RNASEH2B: variants seen among roughly 807,000 people sequenced by gnomAD.
The protein encoded by RNASEH2B is Aicardi-Goutieres syndrome 2 protein.
RNASEH2B carries 36 observed loss-of-function variants against 45.0 expected under a neutral mutation model. The ratio of observed to expected loss-of-function variants is 0.80; its 90% CI spans 0.61 to 1.06. The LOEUF (loss-of-function observed/expected upper bound fraction) is 1.06, where lower values mean the gene tolerates loss of function less well. Ranked by LOEUF, RNASEH2B falls within the 50% of genes least tolerant of loss-of-function variation. The probability of loss-of-function intolerance (pLI) is 0.00; values close to 1 mark genes in which losing one functional copy is unlikely to be tolerated. For synonymous variants in RNASEH2B, 119 were observed against 125.7 expected (o/e 0.95, Z 0.35); for missense variants, 361 against 360.3 (o/e 1.00, Z -0.02).
At position 50,921,875 on chromosome 13, in the gene RNASEH2B, T is replaced by G. The variant is rs150401069; in HGVS notation, c.65-5532T>G. Among the ~76,000 whole-genome samples the G allele has an allele frequency of 1.6e-3, 238 of 152,350 alleles. 1 individual carries two copies. The highest frequency in any genetic ancestry group is 5.3e-3 in the African/African-American group (219 of 41,580). On this transcript the variant is annotated intron_variant, in intron 1 of 10. Coordinates refer to ENST00000336617, the MANE Select transcript of RNASEH2B (RefSeq NM_024570.4). ...GTTTGTGGGATTGTAACTGAACTAC[T>G]CCCATTTCCTCTCCTCAGCTCTGCA... is the stretch of plus-strand genomic sequence containing the variant.
At chr13:50,956,161 C>G (rs1325500675) in intron 10 of RNASEH2B, 197 bp from the exon 11 acceptor site, 1 of 528,160 alleles carries the variant, frequency 1.9e-6, no homozygotes, top group African/African-American at 1.9e-5. Context: ...TGTCTTCTGC[C>G]TCTTTTAACA....
chr13:50,941,280 A>G (rs1362615105), intron 5 of RNASEH2B: 2 of 152,180 alleles, frequency 1.3e-5, no homozygotes, highest in Non-Finnish European at 2.9e-5. Flanking sequence ...CTCTTTACAC[A>G]TGGGGGAACA....
chr13:50,945,584 T>G (rs771717233), intron 7 of RNASEH2B, 52 bp downstream of exon 7: 1 of 1,155,408 alleles, frequency 8.7e-7, no homozygotes, highest in South Asian at 1.2e-5. Flanking sequence ...AAGTTGCTTA[T>G]GTGTAAATGC....
chr13:50,935,109 G>T (rs1014506026), intron 5 of RNASEH2B, 110 bp downstream of exon 5: 72 of 737,624 alleles, frequency 9.8e-5, no homozygotes, highest in Non-Finnish European at 6.6e-5. Context: ...TCCACCATAG[G>T]GAAAACTATC....
Position 50,909,914 on chromosome 13 carries a change from GGAAAC to G in RNASEH2B, c.-153_-149del. ...GTAACACGAGCAGCAGGCTGGTCTC[GGAAAC>G]GAAACGAAATTCGGTCCCTGGGCCT... On this transcript the variant is annotated 5_prime_UTR_variant, in exon 1 of 11. Transcript: ENST00000336617. 1 of 522,148 alleles carries G rather than the reference GGAAAC, an allele frequency of 1.9e-6. No individual in the cohort carries two copies. 32.3% of individuals were successfully genotyped at this position (522,148 alleles called of 1,614,324 possible). A position where few individuals can be genotyped will look rare whatever the true frequency, so the allele number is the denominator to read the frequency against.
chr13:50,929,456 G>T lies in RNASEH2B; in HGVS notation c.137-19G>T. 2 of 1,522,492 alleles carry T rather than the reference G, an allele frequency of 1.3e-6. No individual in the cohort carries two copies. Among genetic ancestry groups the T allele is most frequent in the Non-Finnish European group, 1.8e-6 (2 of 1,097,014 alleles). 94.3% of individuals were successfully genotyped at this position (1,522,492 alleles called of 1,614,324 possible). On this transcript the variant is annotated intron_variant, in intron 2 of 10. Transcript: ENST00000336617. The stretch of plus-strand genomic sequence containing the variant: ...TGTGTGTGAAAACTTACAAATAAAA[G>T]ACAGATTTGTCTTAACAGGAGAAGG...
intron 4 of RNASEH2B, 37 bp downstream of exon 4, chr13:50,930,796 C>T: frequency 6.8e-7 from 1 of 1,469,494 alleles, no homozygotes; most frequent in Non-Finnish European, 9.5e-7. Flanking sequence ...AGTGAGGAAA[C>T]AGAATCAACT....
chr13:50,913,643 G>A (rs1337234543), intron 1 of RNASEH2B, among the ~76,000 whole-genome samples: 3 of 152,162 alleles, frequency 2.0e-5, no homozygotes, highest in African/African-American at 7.2e-5. Flanking sequence ...TTAGAGACAA[G>A]TTTTGCAATA....
chr13:50,927,574 C>A, intron 2 of RNASEH2B, 96 bp downstream of exon 2: 1 of 830,728 alleles, frequency 1.2e-6, no homozygotes, highest in Non-Finnish European at 2.1e-6. Flanking sequence ...TTCTGAATAG[C>A]TTTTAAAGTT....
chr13:50,960,076 C>A, downstream of RNASEH2B: 1 of 588,694 alleles, frequency 1.7e-6, no homozygotes, highest in South Asian at 8.6e-5. Flanking sequence ...TCAATAGGTT[C>A]TAGACATATC....
chr13:50,970,204 A>G (rs1269919473), exon 10 of RNASEH2B: 1 of 594,140 alleles, frequency 1.7e-6, no homozygotes, highest in Admixed American at 3.1e-5. Flanking sequence ...AAAGCATCCC[A>G]GCGGTGCACC....
At chr13:50,932,079 T>C (rs1555255463) in intron 4 of RNASEH2B, among the ~76,000 whole-genome samples, 1 of 152,176 alleles carries the variant, frequency 6.6e-6, no homozygotes, top group Non-Finnish European at 1.5e-5. Flanking sequence ...ACAATTCTAA[T>C]TTTTGCTTGA....
At position 50,969,004 on chromosome 13, in the gene RNASEH2B, G is replaced by T. The variant is rs768015; in HGVS notation, c.742-928G>T. Among the ~76,000 whole-genome samples, 4,401 of 152,242 alleles carry T rather than the reference G, an allele frequency of 0.029. 349 individuals carry two copies. In the East Asian group the frequency reaches 0.32, roughly 11 times the overall value. On this transcript the variant is annotated intron_variant, in intron 9 of 9. Coordinates refer to the RNASEH2B transcript ENST00000422660. Reference sequence around the variant, plus strand: ...AGACATGTTGTTCTTGCATAAACAAGCAAAAGAAGCTAAGGAATCAACTTA... The same window carrying T: ...AGACATGTTGTTCTTGCATAAACAATCAAAAGAAGCTAAGGAATCAACTTA...
At position 50,952,429 on chromosome 13, in the gene RNASEH2B, T is replaced by C. The variant is rs186006299; in HGVS notation, c.742-1476T>C. ...ATGTATTTTTTTTTTTGAGACAGAG[T>C]CTTGCCGTGTCATCTAGGCTGGAGT... is the stretch of plus-strand genomic sequence containing the variant. On this transcript the variant is annotated intron_variant, in intron 9 of 10. Coordinates refer to ENST00000336617, the MANE Select transcript of RNASEH2B (RefSeq NM_024570.4). 1.9e-3 allele frequency: 287 copies of C among 152,094 alleles called. 1 individual carries two copies. Among genetic ancestry groups the C allele is most frequent in the African/African-American group, 6.4e-3 (265 of 41,470 alleles). 9.4% of individuals were successfully genotyped at this position (152,094 alleles called of 1,614,324 possible).
At chr13:50,913,714 CTTA>C (rs769615734) in intron 1 of RNASEH2B, among the ~76,000 whole-genome samples, 34 of 152,260 alleles carry the variant, frequency 2.2e-4, no homozygotes, top group Non-Finnish European at 4.7e-4. Flanking sequence ...AAAGATTGCA[CTTA>C]TTATTTATTT....
At chr13:50,937,206 A>AT (rs1951764950) in intron 5 of RNASEH2B, 1 of 151,556 alleles carries the variant, frequency 6.6e-6, no homozygotes, top group South Asian at 2.1e-4. Flanking sequence ...AAAGAAAAAG[A>AT]TTTTTATTTT....
chr13:50,967,891 G>A (rs1952181149), intron 9 of RNASEH2B, among the ~76,000 whole-genome samples: 1 of 152,184 alleles, frequency 6.6e-6, no homozygotes, highest in Non-Finnish European at 1.5e-5. Flanking sequence ...TCCAGGTCTA[G>A]AGAAGCAAGT....
intron 1 of RNASEH2B, among the ~76,000 whole-genome samples, chr13:50,913,360 A>G (rs1450066041): frequency 1.3e-5 from 2 of 152,154 alleles, no homozygotes; most frequent in Non-Finnish European, 1.5e-5. Context: ...GTTGGGATGT[A>G]CCCAGGTGTG....
intron 8 of RNASEH2B, 112 bp from the exon 9 acceptor site, chr13:50,949,351 G>T: frequency 1.1e-6 from 1 of 879,120 alleles, no homozygotes; most frequent in Admixed American, 1.8e-5. Flanking sequence ...ATATATGGAG[G>T]TAAAGCTGTA....
Sources: gnomAD v4.1 joint callset for allele counts (sites outside exome capture counted in the v4.1 genomes callset) on GRCh38, gnomAD v4.1.1 for gene constraint, MANE v1.5 for transcripts, NCBI Gene and HGNC (gene_info 2026-07-23, HGNC 2026-07-21) for gene names.